RIMBP2: variants seen among roughly 807,000 people sequenced by gnomAD.
RIMBP2 encodes the protein RIMS-binding protein 2.
RIMBP2 carries 48 observed loss-of-function variants against 118.6 expected under a neutral mutation model. The ratio of observed to expected loss-of-function variants is 0.40; its 90% CI spans 0.32 to 0.51. RIMBP2 has a LOEUF of 0.51. Ranked by LOEUF, RIMBP2 falls within the 20% of genes least tolerant of loss-of-function variation. The pLI is 0.41. For synonymous variants in RIMBP2, 762 were observed against 742.9 expected (o/e 1.03, Z -0.42); for missense variants, 1,551 against 1,768.3 (o/e 0.88, Z 2.20).
At chr12:130,689,857 C>T (rs1594207394) in intron 1 of RIMBP2, among the ~76,000 whole-genome samples, 1 of 152,188 alleles carries the variant, frequency 6.6e-6, no homozygotes, top group East Asian at 1.9e-4. Context: ...GTGGGTCAGG[C>T]GTCTGGGCAG....
chr12:130,439,109 G>T (rs982764707), intron 11 of RIMBP2, among the ~76,000 whole-genome samples: 2 of 152,002 alleles, frequency 1.3e-5, no homozygotes, highest in Admixed American at 1.3e-4. Context: ...TGACATCGTT[G>T]AACCTGAGAA....
intron 1 of RIMBP2, among the ~76,000 whole-genome samples, chr12:130,633,124 A>T (rs2062107246): frequency 6.6e-6 from 1 of 152,180 alleles, no homozygotes; most frequent in African/African-American, 2.4e-5. Flanking sequence ...CAGAGTCAGC[A>T]CCCTCACGTT....
At position 130,523,146 on chromosome 12, in the gene RIMBP2, C is replaced by A. The variant is rs1369583538; in HGVS notation, c.-216-5229G>T. Among the ~76,000 whole-genome samples, 2 of 151,950 alleles carry A rather than the reference C, an allele frequency of 1.3e-5. No homozygotes were observed. The highest frequency in any genetic ancestry group is 2.9e-5 in the Non-Finnish European group (2 of 67,964). ...CACTCTGCCTCTCTCTCTCTCTCTG[C>A]CTCCATGTCTGTCTGTGTCTCTGTT... is the stretch of plus-strand genomic sequence containing the variant. On this transcript the variant is annotated intron_variant, in intron 2 of 22. Transcript: ENST00000690449. This position sits in a 1 kb window ranked among gnomAD's most constrained non-coding sequence, Gnocchi z 4.4.
intron 10 of RIMBP2, among the ~76,000 whole-genome samples, chr12:130,443,415 A>T (rs1319371313): frequency 6.6e-6 from 1 of 152,212 alleles, no homozygotes; most frequent in East Asian, 1.9e-4. Flanking sequence ...AGCTTCAAAG[A>T]TGAGGCAGTT....
At chr12:130,684,812 G>A (rs922972592) in intron 1 of RIMBP2, among the ~76,000 whole-genome samples, 1 of 152,076 alleles carries the variant, frequency 6.6e-6, no homozygotes, top group Non-Finnish European at 1.5e-5. Context: ...TACCCTTAGG[G>A]TGGACACCTT....
At chr12:130,677,108 G>A (rs2064527841) in intron 1 of RIMBP2, among the ~76,000 whole-genome samples, 1 of 152,184 alleles carries the variant, frequency 6.6e-6, no homozygotes, top group African/African-American at 2.4e-5. Flanking sequence ...GATGCCTGGA[G>A]ACATTTTTGG....
intron 4 of RIMBP2, among the ~76,000 whole-genome samples, chr12:130,505,322 T>G (rs921355402): frequency 4.6e-5 from 7 of 152,076 alleles, no homozygotes; most frequent in African/African-American, 1.7e-4. Flanking sequence ...CCACATGCCA[T>G]GAAGGTCACC....
intron 7 of RIMBP2, among the ~76,000 whole-genome samples, chr12:130,452,714 G>A (rs1173954012): frequency 1.3e-5 from 2 of 152,218 alleles, no homozygotes; most frequent in Non-Finnish European, 2.9e-5. Flanking sequence ...ACTTTCCAGA[G>A]AGGAAACACT....
intron 2 of RIMBP2, among the ~76,000 whole-genome samples, chr12:130,532,240 T>C (rs2139355788): frequency 2.2e-5 from 3 of 138,378 alleles, no homozygotes; most frequent in East Asian, 2.4e-4. Context: ...TGCGTGTGTT[T>C]AGCCTCTAGG....
At chr12:130,649,823 G>C (rs528801999) in intron 1 of RIMBP2, among the ~76,000 whole-genome samples, 1 of 152,004 alleles carries the variant, frequency 6.6e-6, no homozygotes, top group Non-Finnish European at 1.5e-5. Context: ...CCCCCGAAGA[G>C]GACGTGCGGG....
chr12:130,690,928 G>A (rs935804947), intron 1 of RIMBP2, among the ~76,000 whole-genome samples: 3 of 152,082 alleles, frequency 2.0e-5, no homozygotes, highest in Non-Finnish European at 4.4e-5. Flanking sequence ...AGGGAAGCCT[G>A]GTGAGGGACG....
At chr12:130,541,158 G>A (rs989875271) in intron 2 of RIMBP2, among the ~76,000 whole-genome samples, 1 of 152,146 alleles carries the variant, frequency 6.6e-6, no homozygotes, top group Admixed American at 6.5e-5. Context: ...AATGAGCAGA[G>A]CACACTGCAC....
chr12:130,539,259 G>C (rs2054348272), intron 2 of RIMBP2, among the ~76,000 whole-genome samples: 1 of 152,106 alleles, frequency 6.6e-6, no homozygotes, highest in Non-Finnish European at 1.5e-5. Context: ...CAGTGTCAGT[G>C]AATGCATACA....
chr12:130,520,672 CAA>C (rs1162018669), intron 2 of RIMBP2, among the ~76,000 whole-genome samples: 5,691 of 68,336 alleles, frequency 0.083, 108 homozygotes, highest in Middle Eastern at 0.17. Flanking sequence ...AACTCCATCT[CAA>C]AAAAAAAAAA....
intron 21 of RIMBP2, 36 bp downstream of exon 21, chr12:130,406,136 A>T: frequency 7.8e-7 from 1 of 1,281,594 alleles, no homozygotes. Flanking sequence ...AAAATACAAA[A>T]ATCAAATGGT....
intron 2 of RIMBP2, among the ~76,000 whole-genome samples, chr12:130,591,179 A>G (rs181579155): frequency 2.0e-5 from 3 of 152,338 alleles, no homozygotes; most frequent in Admixed American, 2.0e-4. Flanking sequence ...TCAAGACACC[A>G]CAATCCACAA....
At chr12:130,412,898 T>G (rs1444592224) in intron 18 of RIMBP2, 111 bp from the exon 19 acceptor site, 2 of 1,047,136 alleles carry the variant, frequency 1.9e-6, no homozygotes, top group Admixed American at 5.8e-5. Flanking sequence ...AAATATAGTT[T>G]AAAAATACCA....
chr12:130,580,947 GTT>G (rs749487354), intron 2 of RIMBP2, among the ~76,000 whole-genome samples: 74 of 149,134 alleles, frequency 5.0e-4, no homozygotes, highest in Admixed American at 2.6e-3. Flanking sequence ...GTGTGTGTGT[GTT>G]TGTTTGTGTG....
chr12:130,598,525 G>A (rs549785269), intron 2 of RIMBP2, among the ~76,000 whole-genome samples: 9 of 152,200 alleles, frequency 5.9e-5, no homozygotes, highest in Admixed American at 4.6e-4. Context: ...TCAGGAGATC[G>A]AGACCATCCT....
Sources: gnomAD v4.1 joint callset for allele counts (sites outside exome capture counted in the v4.1 genomes callset) on GRCh38, gnomAD v4.1.1 for gene constraint, Gnocchi (gnomAD v3.1) non-coding constraint, MANE v1.5 for transcripts, NCBI Gene and HGNC (gene_info 2026-07-23, HGNC 2026-07-21) for gene names.